Variants in ZNF423 observed in about 807,000 individuals in gnomAD.
The protein encoded by ZNF423 is Ebf-associated zinc finger protein.
Under a neutral mutation model 95.8 loss-of-function variants are expected in ZNF423, and 12 were observed. That is an observed-to-expected ratio of 0.13 (90% CI 0.08 to 0.20). The LOEUF (loss-of-function observed/expected upper bound fraction) is 0.20, where lower values mean the gene tolerates loss of function less well. ZNF423 is among the 10% of genes least tolerant of loss of function. The pLI is 1.00. For synonymous variants in ZNF423, 749 were observed against 711.9 expected (o/e 1.05, Z -0.83); for missense variants, 1,316 against 1,737.1 (o/e 0.76, Z 4.31).
intron 5 of ZNF423, among the ~76,000 whole-genome samples, chr16:49,548,485 G>C (rs1969514428): frequency 6.6e-6 from 1 of 152,060 alleles, no homozygotes; most frequent in Non-Finnish European, 1.5e-5. Context: ...TCTGACACCA[G>C]TGTACTAGTT....
intron 1 of ZNF423, among the ~76,000 whole-genome samples, chr16:49,830,308 T>A (rs1448556705): frequency 6.6e-6 from 1 of 152,012 alleles, no homozygotes; most frequent in Non-Finnish European, 1.5e-5. Flanking sequence ...ACTGATGAGA[T>A]GTGAGGGAGA....
intron 1 of ZNF423, among the ~76,000 whole-genome samples, chr16:49,852,554 C>G (rs12935139): frequency 0.18 from 27,697 of 151,794 alleles, 3,048 homozygotes; most frequent in Non-Finnish European, 0.26. Flanking sequence ...GAGAACAGCC[C>G]GGGAAAATGA....
intron 5 of ZNF423, among the ~76,000 whole-genome samples, chr16:49,578,225 C>T (rs1381002638): frequency 6.6e-6 from 1 of 152,238 alleles, no homozygotes; most frequent in African/African-American, 2.4e-5. Flanking sequence ...CCCCCTTCAG[C>T]AACAAGCTCC....
chr16:49,622,519 A>G (rs1972117053), intron 5 of ZNF423, among the ~76,000 whole-genome samples: 1 of 152,146 alleles, frequency 6.6e-6, no homozygotes, highest in Admixed American at 6.5e-5. Flanking sequence ...ATGTTCAGCC[A>G]TCTCTCCGAA....
chr16:49,789,825 T>G (rs1011606168), intron 1 of ZNF423, among the ~76,000 whole-genome samples: 3 of 152,164 alleles, frequency 2.0e-5, no homozygotes, highest in African/African-American at 7.2e-5. Flanking sequence ...ATCTCAGCAC[T>G]GCCTCAAGAA....
intron 5 of ZNF423, among the ~76,000 whole-genome samples, chr16:49,551,785 G>A (rs1011103085): frequency 6.6e-6 from 1 of 152,184 alleles, no homozygotes; most frequent in African/African-American, 2.4e-5. Context: ...CACCGAAAAC[G>A]GGCCCCTCAA....
At chr16:49,785,878 T>C (rs998721153) in intron 2 of ZNF423, among the ~76,000 whole-genome samples, 1 of 152,068 alleles carries the variant, frequency 6.6e-6, no homozygotes, top group African/African-American at 2.4e-5. Context: ...GAAGTTGGGG[T>C]TGGCAGGAGA....
At chr16:49,747,670 A>AAC (rs2033554179) in intron 2 of ZNF423, among the ~76,000 whole-genome samples, 1 of 150,432 alleles carries the variant, frequency 6.6e-6, no homozygotes, top group Non-Finnish European at 1.5e-5. Context: ...AAAAAAAAAA[A>AAC]CACCATTGCT....
intron 1 of ZNF423, among the ~76,000 whole-genome samples, chr16:49,852,130 C>T (rs1255981296): frequency 6.6e-6 from 1 of 152,060 alleles, no homozygotes; most frequent in Non-Finnish European, 1.5e-5. Context: ...TCCCAAGTCC[C>T]TAGACCACCA....
chr16:49,750,263 C>G (rs896813608), intron 2 of ZNF423, among the ~76,000 whole-genome samples: 1 of 152,226 alleles, frequency 6.6e-6, no homozygotes, highest in Non-Finnish European at 1.5e-5. Context: ...CCTTCCTAGG[C>G]ACAAAATTGT....
At chr16:49,765,324 T>C (rs113076003) in intron 2 of ZNF423, among the ~76,000 whole-genome samples, 6 of 152,326 alleles carry the variant, frequency 3.9e-5, no homozygotes, top group Middle Eastern at 6.8e-3. Context: ...TGGTGGTAGC[T>C]GCACTGAAAG....
chr16:49,543,814 T>C (rs1969344041), intron 5 of ZNF423, among the ~76,000 whole-genome samples: 1 of 151,956 alleles, frequency 6.6e-6, no homozygotes, highest in African/African-American at 2.4e-5. Context: ...CGGAGTCATA[T>C]GACCCCGGTC....
intron 2 of ZNF423, among the ~76,000 whole-genome samples, chr16:49,777,486 A>G (rs2034140853): frequency 6.6e-6 from 1 of 152,238 alleles, no homozygotes; most frequent in African/African-American, 2.4e-5. Flanking sequence ...GAATTTACAC[A>G]TCACCACCAA....
intron 7 of ZNF423, among the ~76,000 whole-genome samples, chr16:49,503,240 CT>C (rs1025410668): frequency 2.6e-5 from 4 of 152,208 alleles, no homozygotes; most frequent in African/African-American, 9.7e-5. Flanking sequence ...GCAAGGGCCC[CT>C]TGAAGGCCCC....
intron 5 of ZNF423, among the ~76,000 whole-genome samples, chr16:49,561,331 G>A (rs1447093581): frequency 6.6e-6 from 1 of 152,134 alleles, no homozygotes; most frequent in South Asian, 2.1e-4. Flanking sequence ...CAACTATATT[G>A]TAACTACATC....
intron 1 of ZNF423, among the ~76,000 whole-genome samples, chr16:49,796,204 G>C (rs1000107527): frequency 1.3e-5 from 2 of 152,068 alleles, no homozygotes; most frequent in African/African-American, 4.8e-5. Context: ...CAACTCTCCT[G>C]CTCTGGGATT....
chr16:49,713,657 G>A (rs965527680), intron 3 of ZNF423, among the ~76,000 whole-genome samples: 8 of 152,150 alleles, frequency 5.3e-5, no homozygotes, highest in Admixed American at 2.0e-4. Flanking sequence ...TCCATCTCCC[G>A]GTTTGAGTGC....
intron 5 of ZNF423, among the ~76,000 whole-genome samples, chr16:49,528,893 C>T (rs1968730659): frequency 6.6e-6 from 1 of 152,110 alleles, no homozygotes; most frequent in Admixed American, 6.5e-5. Context: ...AGCACCATCA[C>T]TCTCACCCCG....
intron 3 of ZNF423, among the ~76,000 whole-genome samples, chr16:49,651,884 G>T (rs1327920979): frequency 1.3e-5 from 2 of 152,172 alleles, no homozygotes; most frequent in African/African-American, 4.8e-5. Flanking sequence ...AACCAACAGG[G>T]TCTAAGCTAA....
Sources: gnomAD v4.1 joint callset for allele counts (sites outside exome capture counted in the v4.1 genomes callset) on GRCh38, gnomAD v4.1.1 for gene constraint, MANE v1.5 for transcripts, NCBI Gene and HGNC (gene_info 2026-07-23, HGNC 2026-07-21) for gene names.